The following SH2D4B variants were observed in gnomAD, a reference collection of about 807,000 sequenced individuals.
SH2D4B encodes SH2 domain containing 4B, also known as SH2 domain-containing protein 4B.
SH2D4B carries 45 observed loss-of-function variants against 61.5 expected under a neutral mutation model. The observed-to-expected ratio is 0.73, with a 90% confidence interval of 0.58 to 0.94. SH2D4B has a LOEUF of 0.94. Among genes scored for constraint, SH2D4B ranks in the 40% least tolerant of loss-of-function variants. SH2D4B has a pLI of 0.00. For synonymous variants in SH2D4B, 224 were observed against 220.4 expected (o/e 1.02, Z -0.14); for missense variants, 572 against 574.2 (o/e 1.00, Z 0.04).
intron 6 of SH2D4B, among the ~76,000 whole-genome samples, chr10:80,630,378 A>G (rs1842816930): frequency 6.6e-6 from 1 of 152,198 alleles, no homozygotes; most frequent in African/African-American, 2.4e-5. Context: ...GCTTGCTCCC[A>G]TGGCAGCCAC....
intron 1 of SH2D4B, among the ~76,000 whole-genome samples, chr10:80,563,218 C>G (rs1014039959): frequency 1.3e-5 from 2 of 152,168 alleles, no homozygotes; most frequent in Non-Finnish European, 2.9e-5. Context: ...AACATTTTTT[C>G]ATATACCTGT....
chr10:80,626,921 T>C (rs1045986352), intron 6 of SH2D4B, among the ~76,000 whole-genome samples: 2 of 152,252 alleles, frequency 1.3e-5, no homozygotes, highest in Admixed American at 1.3e-4. Context: ...TCTCTGTGAC[T>C]ATTAAGCCCT....
chr10:80,567,116 T>C (rs1485414250), intron 1 of SH2D4B, among the ~76,000 whole-genome samples: 1 of 152,142 alleles, frequency 6.6e-6, no homozygotes, highest in African/African-American at 2.4e-5. Context: ...ATCAGGCTGC[T>C]TTTTTTCCGT....
At chr10:80,636,757 G>A (rs181075695) in intron 7 of SH2D4B, among the ~76,000 whole-genome samples, 4 of 152,232 alleles carry the variant, frequency 2.6e-5, no homozygotes, top group African/African-American at 9.6e-5. Context: ...CACTCTGATG[G>A]TAGTTTCTTT....
chr10:80,611,522 C>G (rs979981329), intron 6 of SH2D4B, among the ~76,000 whole-genome samples: 2 of 152,192 alleles, frequency 1.3e-5, no homozygotes, highest in Non-Finnish European at 2.9e-5. Flanking sequence ...TGGGGATTCT[C>G]TGCCTCTCCC....
intron 2 of SH2D4B, among the ~76,000 whole-genome samples, chr10:80,571,102 T>G (rs1167503117): frequency 6.6e-6 from 1 of 152,172 alleles, no homozygotes; most frequent in East Asian, 1.9e-4. Flanking sequence ...CTTGAACTCC[T>G]GGCCTCAAGC....
chr10:80,612,198 T>TTTTTTTTTTCC (rs59848195), intron 6 of SH2D4B, among the ~76,000 whole-genome samples: 1 of 125,206 alleles, frequency 8.0e-6, no homozygotes, highest in Admixed American at 9.1e-5. Flanking sequence ...TTTTTTTTTT[T>TTTTTTTTTTCC]CAACTTTACT....
At chr10:80,604,696 A>G (rs1428093995) in intron 5 of SH2D4B, among the ~76,000 whole-genome samples, 4 of 151,252 alleles carry the variant, frequency 2.6e-5, no homozygotes, top group Non-Finnish European at 5.9e-5. Context: ...TTCCCAAACC[A>G]GAAGGTTTAA....
chr10:80,567,864 C>G (rs1466546902), intron 1 of SH2D4B, among the ~76,000 whole-genome samples: 1 of 152,194 alleles, frequency 6.6e-6, no homozygotes, highest in Non-Finnish European at 1.5e-5. Context: ...CTTGGATGCC[C>G]AAGGGCCATT....
chr10:80,638,470 T>G (rs2132165337), intron 7 of SH2D4B, among the ~76,000 whole-genome samples: 1 of 152,338 alleles, frequency 6.6e-6, no homozygotes, highest in East Asian at 1.9e-4. Flanking sequence ...CAGAGCCTGT[T>G]ATTGGTCTAT....
At chr10:80,554,251 A>G (rs1841798730) in intron 1 of SH2D4B, among the ~76,000 whole-genome samples, 1 of 152,186 alleles carries the variant, frequency 6.6e-6, no homozygotes, top group Non-Finnish European at 1.5e-5. Flanking sequence ...TATCCTCAGC[A>G]TGGGTCCTGC....
intron 1 of SH2D4B, among the ~76,000 whole-genome samples, chr10:80,541,760 T>A (rs912252055): frequency 6.6e-6 from 1 of 152,176 alleles, no homozygotes; most frequent in African/African-American, 2.4e-5. Context: ...GAGTAAACAC[T>A]GGTGATGTGA....
chr10:80,545,044 T>C (rs1052574833), intron 1 of SH2D4B, among the ~76,000 whole-genome samples: 18 of 152,214 alleles, frequency 1.2e-4, no homozygotes, highest in Admixed American at 7.8e-4. Context: ...CTACTTTTCT[T>C]CCTAGCACTT....
intron 6 of SH2D4B, among the ~76,000 whole-genome samples, chr10:80,623,536 C>G (rs986829620): frequency 1.1e-4 from 17 of 152,212 alleles, no homozygotes; most frequent in African/African-American, 4.1e-4. Flanking sequence ...CATAGCAAGG[C>G]TCGTGGGGAT....
chr10:80,633,649 C>A (rs1426654418), intron 6 of SH2D4B, among the ~76,000 whole-genome samples: 8 of 152,158 alleles, frequency 5.3e-5, no homozygotes. Flanking sequence ...GACTCCAAGG[C>A]CAACCAGAAT....
chr10:80,572,972 ATATATATATATATATTTTTT>A (rs1280697012), intron 3 of SH2D4B, among the ~76,000 whole-genome samples: 625 of 9,264 alleles, frequency 0.067, 31 homozygotes, highest in African/African-American at 0.18. Flanking sequence ...ATATATATAT[ATATATATATATATATTTTTT>A]TTTTTTTTTT....
At chr10:80,629,989 A>C (rs1283866293) in intron 6 of SH2D4B, among the ~76,000 whole-genome samples, 4 of 152,208 alleles carry the variant, frequency 2.6e-5, no homozygotes, top group African/African-American at 9.7e-5. Flanking sequence ...TCTTCCATGA[A>C]GCAGAAGACG....
intron 6 of SH2D4B, among the ~76,000 whole-genome samples, chr10:80,628,389 C>T (rs536023223): frequency 1.1e-4 from 16 of 152,284 alleles, no homozygotes; most frequent in Admixed American, 9.8e-4. Context: ...TTGCCTGCTG[C>T]CATCCACGTA....
At chr10:80,583,851 A>G (rs1026493693) in intron 3 of SH2D4B, among the ~76,000 whole-genome samples, 1 of 152,262 alleles carries the variant, frequency 6.6e-6, no homozygotes, top group Non-Finnish European at 1.5e-5. Flanking sequence ...ATAAGAGACT[A>G]CAGACTGAAA....
Sources: allele counts gnomAD v4.1 joint callset (sites outside exome capture counted in the v4.1 genomes callset), GRCh38; gene constraint gnomAD v4.1.1; transcripts MANE v1.5; gene names NCBI Gene and HGNC (gene_info 2026-07-23, HGNC 2026-07-21).